The following SHBG variants were observed in gnomAD, a reference collection of about 807,000 sequenced individuals.
The protein encoded by SHBG is sex hormone binding globulin, also known as sex hormone-binding globulin.
A neutral mutation model predicts 41.9 loss-of-function variants in SHBG; 37 were observed. The ratio of observed to expected loss-of-function variants is 0.88; its 90% CI spans 0.68 to 1.16. The LOEUF (loss-of-function observed/expected upper bound fraction) is 1.16. Among genes scored for constraint, SHBG ranks in the 50% most tolerant of loss-of-function variants. SHBG has a pLI of 0.00. For missense variants in SHBG, 466 were observed against 499.9 expected (o/e 0.93, Z 0.65); for synonymous variants, 217 against 205.8 (o/e 1.05, Z -0.47).
intron 7 of SHBG, 79 bp from the exon 8 acceptor site, chr17:7,633,125 G>A: frequency 6.4e-7 from 1 of 1,552,414 alleles, no homozygotes; most frequent in Non-Finnish European, 8.9e-7. Context: ...CAGGTTGGAG[G>A]AGTGGAAAAG....
intron 1 of SHBG, among the ~76,000 whole-genome samples, chr17:7,617,396 G>A (rs2072012808): frequency 6.6e-6 from 1 of 151,962 alleles, no homozygotes; most frequent in South Asian, 2.1e-4. Flanking sequence ...GAGGTCACCT[G>A]AGGTCAGGAG....
At chr17:7,627,412 C>G (rs1379049640), upstream of SHBG, 1 of 1,614,124 alleles carries the variant, frequency 6.2e-7, no homozygotes, top group South Asian at 1.1e-5. The surrounding 1 kb of genome is among the most constrained non-coding windows in gnomAD (Gnocchi z 4.8). Context: ...ATTCGGCTAG[C>G]TCCTAAGGCG....
upstream of SHBG, among the ~76,000 whole-genome samples, chr17:7,629,845 C>T (rs1299875982): frequency 6.6e-6 from 1 of 152,130 alleles, no homozygotes; most frequent in Non-Finnish European, 1.5e-5. Flanking sequence ...TGCAGGCTCC[C>T]CGAGTGGACA....
intron 1 of SHBG, among the ~76,000 whole-genome samples, chr17:7,615,429 C>G (rs1441508569): frequency 6.6e-6 from 1 of 152,180 alleles, no homozygotes; most frequent in African/African-American, 2.4e-5. Flanking sequence ...TATGCATCGC[C>G]GATATTTTAA....
chr17:7,614,170 C>G, intron 1 of SHBG: 1 of 649,128 alleles, frequency 1.5e-6, no homozygotes. Flanking sequence ...AGGGGTCTCT[C>G]CTGCGGAGCG....
intron 1 of SHBG, among the ~76,000 whole-genome samples, chr17:7,616,451 CAAAAAAAAAAAAAAAAAAA>C (rs71159512): frequency 2.0e-5 from 2 of 101,520 alleles, no homozygotes; most frequent in East Asian, 3.2e-4. Context: ...ACTAAAAATA[CAAAAAAAAAAAAAAAAAAA>C]AAAAATTAGC....
upstream of SHBG, chr17:7,626,806 G>GA: frequency 5.0e-6 from 8 of 1,613,964 alleles, no homozygotes; most frequent in Non-Finnish European, 6.8e-6. Context: ...GTTGTGGAGA[G>GA]AAAGAGGCAA....
upstream of SHBG, chr17:7,630,050 CT>C (rs2072346859): frequency 2.4e-6 from 2 of 822,896 alleles, no homozygotes; most frequent in Admixed American, 3.5e-5. This position sits in a 1 kb window ranked among gnomAD's most constrained non-coding sequence, Gnocchi z 4.6. Context: ...GTCAGTGCCC[CT>C]GTTTCCTTTA....
At position 7,630,291 on chromosome 17, in the gene SHBG, A is replaced by C. The variant is rs1383592979; in HGVS notation, c.111+8A>C. ...CCTGTTCTCCCCACCCAGGTGCAGG[A>C]GCGGGACAGGGCACTCAGCTCATGC... On this transcript the variant is annotated splice_region_variant and intron_variant, in intron 1 of 7. Transcript: ENST00000380450. This position sits in a 1 kb window ranked among gnomAD's most constrained non-coding sequence, Gnocchi z 4.6. 1.9e-6 allele frequency: 3 copies of C among 1,607,904 alleles called. No homozygotes were observed. Among genetic ancestry groups the C allele is most frequent in the Admixed American group, 3.4e-5 (2 of 58,776 alleles).
At chr17:7,628,917 G>A (rs1340242721), upstream of SHBG, among the ~76,000 whole-genome samples, 2 of 152,088 alleles carry the variant, frequency 1.3e-5, no homozygotes, top group Non-Finnish European at 1.5e-5. Context: ...TTAGACAGGT[G>A]TGGTGGCGCA....
upstream of SHBG, chr17:7,627,465 C>T (rs1400977562): frequency 6.8e-6 from 11 of 1,607,646 alleles, no homozygotes; most frequent in Non-Finnish European, 8.5e-6. The surrounding 1 kb of genome is among the most constrained non-coding windows in gnomAD (Gnocchi z 4.8). Flanking sequence ...CCCGCTGCTC[C>T]CCGAGCAGGT....
chr17:7,629,495 C>CA (rs1555574877), upstream of SHBG, among the ~76,000 whole-genome samples: 1 of 151,938 alleles, frequency 6.6e-6, no homozygotes, highest in Non-Finnish European at 1.5e-5. Flanking sequence ...AACTGAGAGG[C>CA]GGGGGGCAGG....
At chr17:7,615,072 CTTCT>C (rs879369318) in intron 1 of SHBG, among the ~76,000 whole-genome samples, 5 of 152,290 alleles carry the variant, frequency 3.3e-5, no homozygotes, top group South Asian at 2.1e-4. Flanking sequence ...CAAGATTAGC[CTTCT>C]TTCTTCACCG....
At chr17:7,615,621 C>T (rs954234989) in intron 1 of SHBG, among the ~76,000 whole-genome samples, 1 of 147,696 alleles carries the variant, frequency 6.8e-6, no homozygotes, top group East Asian at 2.1e-4. Flanking sequence ...GGGTTCGAGA[C>T]CAGCGTGGCC....
upstream of SHBG, chr17:7,627,319 T>A: frequency 6.2e-7 from 1 of 1,613,698 alleles, no homozygotes; most frequent in African/African-American, 1.3e-5. The surrounding 1 kb of genome is among the most constrained non-coding windows in gnomAD (Gnocchi z 4.8). Context: ...CCATCCCTCA[T>A]TTCCTCCCCA....
At chr17:7,627,454 C>A (rs1183548652), upstream of SHBG, 1 of 1,611,574 alleles carries the variant, frequency 6.2e-7, no homozygotes, top group Non-Finnish European at 8.5e-7. The surrounding 1 kb of genome is among the most constrained non-coding windows in gnomAD (Gnocchi z 4.8). Flanking sequence ...AGCAGAAGGG[C>A]CCCGCTGCTC....
At chr17:7,632,397 T>C (rs938804774) in intron 6 of SHBG, among the ~76,000 whole-genome samples, 1 of 152,070 alleles carries the variant, frequency 6.6e-6, no homozygotes, top group Non-Finnish European at 1.5e-5. Flanking sequence ...TGAGCTATGA[T>C]GTGCCACTGC....
chr17:7,626,407 G>T, upstream of SHBG: 1 of 1,606,754 alleles, frequency 6.2e-7, no homozygotes, highest in South Asian at 1.1e-5. Flanking sequence ...AGCTGATGGG[G>T]AAGGAGAAAC....
chr17:7,625,970 G>A (rs146268617), upstream of SHBG, among the ~76,000 whole-genome samples: 687 of 151,548 alleles, frequency 4.5e-3, 4 homozygotes, highest in African/African-American at 0.016. Flanking sequence ...TTTCGAGGCC[G>A]AGGCGGACGG....
Sources: allele counts gnomAD v4.1 joint callset (sites outside exome capture counted in the v4.1 genomes callset), GRCh38; gene constraint gnomAD v4.1.1; non-coding constraint Gnocchi (gnomAD v3.1); transcripts MANE v1.5; gene names NCBI Gene and HGNC (gene_info 2026-07-23, HGNC 2026-07-21).